TGIF2: variants seen among roughly 807,000 people sequenced by gnomAD.
The protein encoded by TGIF2 is TGFB induced factor homeobox 2.
A neutral mutation model predicts 15.1 loss-of-function variants in TGIF2; 5 were observed. That is an observed-to-expected ratio of 0.33 (90% confidence interval 0.17 to 0.70). TGIF2 has a LOEUF of 0.70. TGIF2 is among the 30% of genes least tolerant of loss of function. TGIF2 has a pLI of 0.67. For synonymous variants in TGIF2, 131 were observed against 128.9 expected (o/e 1.02, Z -0.11); for missense variants, 264 against 302.5 (o/e 0.87, Z 0.94).
chr20:36,583,461 AAAG>A (rs1215937872), intron 2 of TGIF2, among the ~76,000 whole-genome samples: 1 of 151,410 alleles, frequency 6.6e-6, no homozygotes, highest in Admixed American at 6.6e-5. Context: ...CTATCTCTAA[AAAG>A]AAAAAAAAAA....
chr20:36,581,627 T>G (rs2038547614), intron 2 of TGIF2, among the ~76,000 whole-genome samples: 1 of 151,666 alleles, frequency 6.6e-6, no homozygotes, highest in Non-Finnish European at 1.5e-5. Flanking sequence ...CTTTTATTTA[T>G]TTATCTGTGT....
chr20:36,581,680 G>T (rs2038549259), intron 2 of TGIF2, among the ~76,000 whole-genome samples: 3 of 152,130 alleles, frequency 2.0e-5, no homozygotes, highest in African/African-American at 7.2e-5. Context: ...CAGGCTGGAA[G>T]TGCAGTGGTG....
At chr20:36,580,595 T>C (rs1856409460) in intron 2 of TGIF2, among the ~76,000 whole-genome samples, 1 of 151,898 alleles carries the variant, frequency 6.6e-6, no homozygotes, top group Non-Finnish European at 1.5e-5. Flanking sequence ...GAGGATCGCA[T>C]GCGCCCAGGA....
intron 1 of TGIF2, chr20:36,574,885 A>AG (rs1184216287): frequency 6.5e-6 from 1 of 152,878 alleles, no homozygotes; most frequent in African/African-American, 2.4e-5. Flanking sequence ...GGGACCAGCT[A>AG]GGGGAGTTGT....
At chr20:36,586,456 A>G (rs2038659646) in intron 2 of TGIF2, among the ~76,000 whole-genome samples, 1 of 152,166 alleles carries the variant, frequency 6.6e-6, no homozygotes, top group Non-Finnish European at 1.5e-5. Context: ...GCACTTTGGG[A>G]GGCCAAAGCG....
chr20:36,582,404 A>G (rs1015827582), intron 2 of TGIF2, among the ~76,000 whole-genome samples: 3 of 152,184 alleles, frequency 2.0e-5, no homozygotes, highest in Non-Finnish European at 4.4e-5. Context: ...CTTAAAATCA[A>G]ACTGTTTCCA....
In TGIF2 at chr20:36,591,323, G is replaced by A. The variant is rs200959739; in HGVS notation, c.606G>A (p.Val202=). ...KEDFSSFQLL[V]EVALQRAAEM... ...ACTTCAGCAGCTTCCAGCTGCTGGT[G>A]GAGGTGGCGCTACAGAGGGCTGCTG... Residue 202 remains valine (V), a synonymous_variant, in exon 3 of 3, where the codon GTG becomes GTA. Coordinates refer to ENST00000373872, the MANE Select transcript of TGIF2 (RefSeq NM_021809.7). The surrounding 1 kb of genome is among the most constrained non-coding windows in gnomAD (Gnocchi z 5.3). The A allele has an allele frequency of 1.2e-6, 2 of 1,614,214 alleles. No homozygotes were observed. The highest frequency in any genetic ancestry group is 2.2e-5 in the East Asian group (1 of 44,884).
intron 2 of TGIF2, among the ~76,000 whole-genome samples, chr20:36,585,868 G>C (rs536316560): frequency 2.0e-5 from 3 of 152,304 alleles, no homozygotes; most frequent in Non-Finnish European, 4.4e-5. Context: ...CCGGGACTCT[G>C]TGCTGGGTAT....
At chr20:36,580,826 A>C (rs1039911595) in intron 2 of TGIF2, among the ~76,000 whole-genome samples, 2 of 147,900 alleles carry the variant, frequency 1.4e-5, no homozygotes, top group East Asian at 2.0e-4. Context: ...AAAAAAAAAA[A>C]AAAAAAAAAA....
At position 36,592,519 on chromosome 20, in the gene TGIF2, A is replaced by G. The variant is rs895815211; in HGVS notation, c.*1088A>G. ...ATGTCAGAAGCTCCCAGCACCTCCT[A>G]CTTGGGAGAAAAGTGAGCCATCTGC... On this transcript the variant is annotated 3_prime_UTR_variant, in exon 3 of 3. Transcript: ENST00000373872. 1 of 152,396 alleles carries G rather than the reference A, an allele frequency of 6.6e-6. No homozygotes were observed. Among genetic ancestry groups the G allele is most frequent in the African/African-American group, 2.4e-5 (1 of 41,342 alleles). The allele number at this position is 152,396 out of a possible 1,614,324, so 9.4% of individuals were successfully genotyped here. A position where few individuals can be genotyped will look rare whatever the true frequency, so the allele number is the denominator to read the frequency against.
intron 2 of TGIF2, among the ~76,000 whole-genome samples, chr20:36,580,829 A>C (rs1416147676): frequency 6.7e-6 from 1 of 149,366 alleles, no homozygotes; most frequent in Non-Finnish European, 1.5e-5. Context: ...AAAAAAAAAA[A>C]AAAAAAAAAA....
chr20:36,583,183 G>T (rs1475719168), intron 2 of TGIF2, among the ~76,000 whole-genome samples: 1 of 151,914 alleles, frequency 6.6e-6, no homozygotes, highest in South Asian at 2.1e-4. Flanking sequence ...AGGAGGCTAA[G>T]GTACAAGAGT....
intron 2 of TGIF2, among the ~76,000 whole-genome samples, chr20:36,590,618 C>G (rs1323326255): frequency 6.6e-6 from 1 of 152,174 alleles, no homozygotes; most frequent in Non-Finnish European, 1.5e-5. Flanking sequence ...AGACTGGAAT[C>G]CAGTGGTGCG....
rs1159698699 is a variant in TGIF2, at chr20:36,578,858, G to A, written c.84G>A (p.Glu28=). 1.2e-6 allele frequency: 2 copies of A among 1,614,200 alleles called. No individual in the cohort carries two copies. The highest frequency in any genetic ancestry group is 1.7e-5 in the Admixed American group (1 of 60,024). Residue 28 remains glutamate (E), a synonymous_variant, in exon 2 of 3, where the codon GAG becomes GAA. Coordinates refer to ENST00000373872, the MANE Select transcript of TGIF2 (RefSeq NM_021809.7). ...KRKRRGNLPK[E]SVKILRDWLY... is the part of the protein sequence containing the mutation. ...AGCGCAGGGGGAACCTGCCCAAGGA[G>A]TCGGTGAAGATCCTCCGGGACTGGC...
intron 2 of TGIF2, among the ~76,000 whole-genome samples, chr20:36,586,705 A>C (rs1188022178): frequency 1.0e-4 from 13 of 125,684 alleles, no homozygotes; most frequent in South Asian, 2.7e-4. Context: ...CCCCCCCCCA[A>C]AAAAAAAAAT....
chr20:36,576,058 C>T (rs1407056830), intron 1 of TGIF2, among the ~76,000 whole-genome samples: 1 of 151,278 alleles, frequency 6.6e-6, no homozygotes, highest in African/African-American at 2.4e-5. Flanking sequence ...CGCCACTGCA[C>T]TCCAGCCTAG....
chr20:36,587,292 T>A (rs2038679658), intron 2 of TGIF2, among the ~76,000 whole-genome samples: 1 of 152,062 alleles, frequency 6.6e-6, no homozygotes, highest in Admixed American at 6.6e-5. Flanking sequence ...TGGGGGAGTG[T>A]GTGGAGGGGT....
intron 2 of TGIF2, among the ~76,000 whole-genome samples, chr20:36,586,556 ATGT>A (rs1208712912): frequency 1.3e-5 from 2 of 152,036 alleles, no homozygotes; most frequent in African/African-American, 4.8e-5. Flanking sequence ...TTACTTGGGC[ATGT>A]TGTCGTGTGC....
rs778016863 is a variant in TGIF2, at chr20:36,591,621, ACT to A, written c.*193_*194del. ...GTGATGGGGGCCCTCTCCTCTGCTG[ACT>A]CTGCCGTTTCTCCAGGCCTCCGCTC... is the stretch of plus-strand genomic sequence containing the variant. On this transcript the variant is annotated 3_prime_UTR_variant, in exon 3 of 3. Coordinates refer to ENST00000373872, the MANE Select transcript of TGIF2 (RefSeq NM_021809.7). The surrounding 1 kb of genome is among the most constrained non-coding windows in gnomAD (Gnocchi z 5.3). 9 of 583,840 alleles carry A rather than the reference ACT, an allele frequency of 1.5e-5. No homozygotes were observed. Among genetic ancestry groups the A allele is most frequent in the East Asian group, 8.7e-5 (3 of 34,644 alleles). The allele number at this position is 583,840 out of a possible 1,614,324, so 36.2% of individuals were successfully genotyped here. A position where few individuals can be genotyped will look rare whatever the true frequency, so the allele number is the denominator to read the frequency against.
Sources: gnomAD v4.1 joint callset for allele counts (sites outside exome capture counted in the v4.1 genomes callset) on GRCh38, gnomAD v4.1.1 for gene constraint, Gnocchi (gnomAD v3.1) non-coding constraint, MANE v1.5 for transcripts, NCBI Gene and HGNC (gene_info 2026-07-23, HGNC 2026-07-21) for gene names.